SPIDR: variants seen among roughly 807,000 people sequenced by gnomAD.
SPIDR encodes scaffold protein involved in DNA repair.
A neutral mutation model predicts 104.6 loss-of-function variants in SPIDR; 93 were observed. The observed-to-expected ratio is 0.89, with a 90% CI of 0.75 to 1.06. SPIDR has a LOEUF of 1.06. Ranked by LOEUF, SPIDR falls within the 50% of genes least tolerant of loss-of-function variation. SPIDR has a pLI of 0.00. For missense variants in SPIDR, 1,154 were observed against 1,111.2 expected (o/e 1.04, Z -0.55); for synonymous variants, 431 against 416.9 (o/e 1.03, Z -0.41).
intron 8 of SPIDR, among the ~76,000 whole-genome samples, chr8:47,577,719 T>C (rs2059279976): frequency 6.6e-6 from 1 of 152,156 alleles, no homozygotes; most frequent in Admixed American, 6.5e-5. Flanking sequence ...AATGGTCTTG[T>C]GTGGGTTTTT....
At chr8:47,341,061 G>C (rs572540659) in intron 5 of SPIDR, among the ~76,000 whole-genome samples, 24 of 152,340 alleles carry the variant, frequency 1.6e-4, no homozygotes, top group Non-Finnish European at 3.4e-4. Flanking sequence ...GCTTGGGGGG[G>C]ATGCCCGTTC....
At chr8:47,286,370 C>A (rs2038852239) in intron 3 of SPIDR, among the ~76,000 whole-genome samples, 2 of 152,116 alleles carry the variant, frequency 1.3e-5, no homozygotes, top group Non-Finnish European at 1.5e-5. Context: ...ATGAATAAAG[C>A]TGGTAAATTC....
At chr8:47,629,051 C>T (rs2066648359) in intron 10 of SPIDR, among the ~76,000 whole-genome samples, 1 of 152,212 alleles carries the variant, frequency 6.6e-6, no homozygotes, top group African/African-American at 2.4e-5. Flanking sequence ...TTAAGGGTCA[C>T]AGCAGCTGTT....
intron 7 of SPIDR, among the ~76,000 whole-genome samples, chr8:47,423,218 A>G (rs2065860068): frequency 6.6e-6 from 1 of 151,708 alleles, no homozygotes; most frequent in Non-Finnish European, 1.5e-5. Flanking sequence ...GAATCGCTTG[A>G]ACTGGGAGGT....
intron 5 of SPIDR, among the ~76,000 whole-genome samples, chr8:47,372,668 T>C (rs1372491867): frequency 6.6e-6 from 1 of 152,164 alleles, no homozygotes; most frequent in East Asian, 1.9e-4. Context: ...AATTTTATAA[T>C]GTCTTTCATT....
chr8:47,611,310 C>T (rs1246659133), intron 10 of SPIDR, among the ~76,000 whole-genome samples: 1 of 152,174 alleles, frequency 6.6e-6, no homozygotes, highest in East Asian at 1.9e-4. Context: ...GAAGAATATT[C>T]AGTCAGTGTA....
intron 8 of SPIDR, among the ~76,000 whole-genome samples, chr8:47,447,680 A>T (rs1554702963): frequency 6.6e-6 from 1 of 152,228 alleles, no homozygotes; most frequent in Non-Finnish European, 1.5e-5. Flanking sequence ...ATGCCATCAA[A>T]CAGTATCTCA....
chr8:47,647,563 G>A (rs549579326), intron 10 of SPIDR, among the ~76,000 whole-genome samples: 7 of 150,434 alleles, frequency 4.7e-5, no homozygotes, highest in African/African-American at 7.3e-5. Flanking sequence ...TGCAGGAGCC[G>A]AGATTGCGCC....
At chr8:47,567,481 A>C (rs1229300319) in intron 8 of SPIDR, among the ~76,000 whole-genome samples, 1 of 151,842 alleles carries the variant, frequency 6.6e-6, no homozygotes, top group African/African-American at 2.4e-5. Flanking sequence ...GGCCTCCCAA[A>C]GTGCTGAGAT....
chr8:47,713,737 ACCCGC>A, intron 16 of SPIDR, 96 bp downstream of exon 16: 1 of 1,495,234 alleles, frequency 6.7e-7, no homozygotes, highest in East Asian at 2.4e-5. Flanking sequence ...TTTGTGGAGC[ACCCGC>A]TAAGTTCCAG....
At chr8:47,434,447 G>T (rs181674050) in intron 7 of SPIDR, among the ~76,000 whole-genome samples, 1 of 152,288 alleles carries the variant, frequency 6.6e-6, no homozygotes, top group East Asian at 1.9e-4. Context: ...CAAGATAACT[G>T]GGCAGGCTAG....
intron 8 of SPIDR, chr8:47,511,612 T>G: frequency 1.3e-6 from 1 of 789,010 alleles, no homozygotes; most frequent in Non-Finnish European, 2.3e-6. Context: ...ATGAACATCT[T>G]GGTTGGAATG....
rs187904167 is a variant in SPIDR, at chr8:47,502,195, G to T, written c.1097+61653G>T. ...ACGATTCCCTCTTTTTCTGTTGATT[G>T]GAATAGTTTCAGAAGGAATGGTACC... On this transcript the variant is annotated intron_variant, in intron 8 of 19. Coordinates refer to ENST00000297423, the MANE Select transcript of SPIDR (RefSeq NM_001080394.4). 2.3e-3 allele frequency among the ~76,000 whole-genome samples: 350 copies of T among 152,252 alleles called. 1 individual carries two copies. Among genetic ancestry groups the T allele is most frequent in the African/African-American group, 6.3e-3 (262 of 41,534 alleles).
chr8:47,592,938 G>C (rs1454384930), intron 8 of SPIDR, among the ~76,000 whole-genome samples: 1 of 152,084 alleles, frequency 6.6e-6, no homozygotes, highest in Non-Finnish European at 1.5e-5. Context: ...CCGGGTTGGA[G>C]TGCAATGGTG....
intron 5 of SPIDR, among the ~76,000 whole-genome samples, chr8:47,317,056 C>G (rs1338865054): frequency 5.3e-5 from 8 of 152,122 alleles, no homozygotes; most frequent in Non-Finnish European, 8.8e-5. Flanking sequence ...TTCTGCATTT[C>G]CAACTAAGGT....
rs1213208345 is a variant in SPIDR, at chr8:47,523,742, A to G, written c.1098-72069A>G. On this transcript the variant is annotated intron_variant, in intron 8 of 19. Coordinates refer to ENST00000297423, the MANE Select transcript of SPIDR (RefSeq NM_001080394.4). ...CACAGATTTTTGTTTTTTAGTGGTA[A>G]TAACAGCATGATCAGGCCGCAGCCT... Among the ~76,000 whole-genome samples the G allele has an allele frequency of 2.7e-4, 41 of 152,176 alleles. 1 individual carries two copies. The highest frequency in any genetic ancestry group is 2.7e-3 in the Admixed American group (41 of 15,282).
intron 11 of SPIDR, among the ~76,000 whole-genome samples, chr8:47,681,670 C>T (rs1401311626): frequency 2.0e-5 from 3 of 152,202 alleles, no homozygotes; most frequent in African/African-American, 7.2e-5. Context: ...AAGGCTTCAA[C>T]TGTTTCTTCA....
At chr8:47,556,194 A>G (rs866090084) in intron 8 of SPIDR, among the ~76,000 whole-genome samples, 1 of 152,314 alleles carries the variant, frequency 6.6e-6, no homozygotes, top group African/African-American at 2.4e-5. Context: ...GCATAGAACC[A>G]CAACTGAGAT....
chr8:47,645,052 T>C (rs1045093598), intron 10 of SPIDR, among the ~76,000 whole-genome samples: 1 of 152,178 alleles, frequency 6.6e-6, no homozygotes, highest in African/African-American at 2.4e-5. Context: ...GCCAGAAGTT[T>C]AGACTTCATT....
Sources: gnomAD v4.1 joint callset for allele counts (sites outside exome capture counted in the v4.1 genomes callset) on GRCh38, gnomAD v4.1.1 for gene constraint, MANE v1.5 for transcripts, NCBI Gene and HGNC (gene_info 2026-07-23, HGNC 2026-07-21) for gene names.